The following NSD2 variants were observed in gnomAD, a reference collection of about 807,000 sequenced individuals.
The protein encoded by NSD2 is histone-lysine N-methyltransferase NSD2.
Under a neutral mutation model 139.0 loss-of-function variants are expected in NSD2, and 12 were observed. That is an observed-to-expected ratio of 0.09 (90% CI 0.06 to 0.14). The LOEUF (loss-of-function observed/expected upper bound fraction) is 0.14. Ranked by LOEUF, NSD2 falls within the 10% of genes least tolerant of loss-of-function variation. The probability of loss-of-function intolerance (pLI) is 1.00; values close to 1 mark genes in which losing one functional copy is unlikely to be tolerated. For synonymous variants in NSD2, 669 were observed against 648.7 expected, an observed-to-expected ratio of 1.03 and a Z score of -0.48; for missense variants, 1,155 against 1,745.0, an observed-to-expected ratio of 0.66 and a Z score of 6.02.
Position 1,955,511 on chromosome 4 carries a change from C to G in NSD2, c.2518+171C>G. The G allele has an allele frequency of 8.1e-7, 1 of 1,233,358 alleles. No homozygotes were observed. The allele number at this position is 1,233,358 out of a possible 1,614,324, so 76.4% of individuals were successfully genotyped here. A position where few individuals can be genotyped will look rare whatever the true frequency, so the allele number is the denominator to read the frequency against. On this transcript the variant is annotated intron_variant, in intron 13 of 21. Transcript: ENST00000508803. This position sits in a 1 kb window ranked among gnomAD's most constrained non-coding sequence, Gnocchi z 4.7. ...CTCTAAATTAATTGTAATCATTTCG[C>G]AAACATACAGGAAATTATTTGTGGT...
In NSD2 at chr4:1,948,182, G is replaced by A; in HGVS notation, c.1882-2890G>A. 2.8e-6 allele frequency: 3 copies of A among 1,063,610 alleles called. No homozygotes were observed. The highest frequency in any genetic ancestry group is 3.4e-6 in the Non-Finnish European group (3 of 877,972). The allele number at this position is 1,063,610 out of a possible 1,614,324, so 65.9% of individuals were successfully genotyped here. ...ACTTTGAAAAGTCAGGAGCTAAGCT[G>A]CTCGGAGCTCAGTGCCGCAGCATGG... is the stretch of plus-strand genomic sequence containing the variant. On this transcript the variant is annotated intron_variant, in intron 9 of 21. Transcript: ENST00000508803. This position sits in a 1 kb window ranked among gnomAD's most constrained non-coding sequence, Gnocchi z 4.5.
At chr4:1,888,895 A>G (rs1214431903) in intron 1 of NSD2, among the ~76,000 whole-genome samples, 2 of 140,946 alleles carry the variant, frequency 1.4e-5, no homozygotes, top group South Asian at 2.3e-4. Flanking sequence ...TCCCATGTAT[A>G]TTAGTATTTT....
intron 18 of NSD2, among the ~76,000 whole-genome samples, chr4:1,967,859 T>TTG (rs1409474193): frequency 6.6e-6 from 1 of 151,892 alleles, no homozygotes; most frequent in Non-Finnish European, 1.5e-5. Context: ...TGGCATCTCA[T>TTG]TGTAACCATG....
chr4:1,950,914 TTGA>T (rs1347750021), intron 9 of NSD2, among the ~76,000 whole-genome samples, 155 bp from the exon 10 acceptor site: 4 of 152,202 alleles, frequency 2.6e-5, no homozygotes, highest in South Asian at 2.1e-4. Context: ...CAAAAACCAG[TTGA>T]TGATGGTTCC....
chr4:1,878,284 T>TTG (rs1714447966), intron 1 of NSD2, among the ~76,000 whole-genome samples: 1 of 122,910 alleles, frequency 8.1e-6, no homozygotes, highest in Non-Finnish European at 1.7e-5. Flanking sequence ...TTTTTTTTTT[T>TTG]GTATTTTTAG....
chr4:1,886,971 T>C (rs959043334), intron 1 of NSD2, among the ~76,000 whole-genome samples: 2 of 152,172 alleles, frequency 1.3e-5, no homozygotes, highest in African/African-American at 4.8e-5. Flanking sequence ...GTTACCTCCC[T>C]TCTTCTTCCC....
Position 1,976,573 on chromosome 4 carries a change from C to T in NSD2, c.3720C>T (p.Asp1240=), listed in dbSNP as rs201513781. ...GGGAAGGGAAGAGGCAGTCAGAGGA[C>T]GAGTGCTTCCGCTGCGGTGATGGCG... The part of the protein sequence containing the change: ...AKGEGKRQSE[D]ECFRCGDGGQ... The change falls in exon 21 of 22, where the codon GAC becomes GAT. Residue 1240 remains aspartate (D), a synonymous_variant. Coordinates refer to ENST00000508803, the MANE Select transcript of NSD2 (RefSeq NM_001042424.3). This position sits in a 1 kb window ranked among gnomAD's most constrained non-coding sequence, Gnocchi z 5.3. 6.2e-5 allele frequency: 100 copies of T among 1,613,234 alleles called. No individual in the cohort carries two copies. The highest frequency in any genetic ancestry group is 5.8e-4 in the East Asian group (26 of 44,848).
rs924526748 is a variant in NSD2, at chr4:1,878,637, C to T, written c.-30+7095C>T. Among the ~76,000 whole-genome samples the T allele has an allele frequency of 5.1e-4, 78 of 152,190 alleles. 1 individual carries two copies. Among genetic ancestry groups the T allele is most frequent in the African/African-American group, 1.8e-3 (76 of 41,516 alleles). ...AGTGACTATTTGAATACATACACAGCCCTCAGTACTTCGTATGCCTTAGGG... is the reference window on the plus strand; with the variant it reads ...AGTGACTATTTGAATACATACACAGTCCTCAGTACTTCGTATGCCTTAGGG... On this transcript the variant is annotated intron_variant, in intron 1 of 21. Coordinates refer to ENST00000508803, the MANE Select transcript of NSD2 (RefSeq NM_001042424.3).
chr4:1,901,230 C>G lies in NSD2; in HGVS notation c.576C>G (p.Ile192Met). The G allele has an allele frequency of 6.3e-7, 1 of 1,580,314 alleles. No homozygotes were observed. Among genetic ancestry groups the G allele is most frequent in the Non-Finnish European group, 8.6e-7 (1 of 1,167,306 alleles). The change falls in exon 2 of 22, where the codon ATC (isoleucine) becomes ATG (methionine). Residue 192 changes from isoleucine (I) to methionine (M), a missense_variant. Physicochemically the swap from Ile to Met is conservative, Grantham distance 10 (BLOSUM62 1). Around this residue, in one of 8 missense-constraint regions of NSD2, gnomAD observed 246 missense variants for 262.8 expected, o/e 0.94. Transcript: ENST00000508803. ...TCGAAGCAGCTCTTGTGTCTAAGAT[C>G]TCAAGTCCTTCAGATAAAAAGGTAT... ...GLVEAALVSK[I>M]SSPSDKKIPA...
At chr4:1,947,645 C>A in intron 9 of NSD2, 1 of 1,055,794 alleles carries the variant, frequency 9.5e-7, no homozygotes, top group Non-Finnish European at 1.1e-6. Context: ...ATTTCACACT[C>A]ATTTAATCTG....
chr4:1,928,587 T>TGTGGTGGCTGTCTTGTGAGGC (rs578191582), intron 5 of NSD2, among the ~76,000 whole-genome samples: 2 of 152,184 alleles, frequency 1.3e-5, no homozygotes, highest in African/African-American at 4.8e-5. Flanking sequence ...AGAAGCCGTC[T>TGTGGTGGCTGTCTTGTGAGGC]GTGGTGGCTG....
In NSD2 at chr4:1,980,734, G is replaced by A. The variant is rs533635865; in HGVS notation, c.*1825G>A. ...ACTACACAGAGGACCCAGGGGAAACGAGCTGTGTAGCCACTGACTTGCTCG... is the reference window on the plus strand; with the variant it reads ...ACTACACAGAGGACCCAGGGGAAACAAGCTGTGTAGCCACTGACTTGCTCG... On this transcript the variant is annotated 3_prime_UTR_variant, in exon 22 of 22. Transcript: ENST00000508803. 57 of 233,240 alleles carry A rather than the reference G, an allele frequency of 2.4e-4. No individual in the cohort carries two copies. Among genetic ancestry groups the A allele is most frequent in the Middle Eastern group, 1.3e-3 (1 of 788 alleles). The allele number at this position is 233,240 out of a possible 1,614,324, so 14.4% of individuals were successfully genotyped here. A position where few individuals can be genotyped will look rare whatever the true frequency, so the allele number is the denominator to read the frequency against.
chr4:1,896,700 C>G (rs1577380573), intron 1 of NSD2, among the ~76,000 whole-genome samples: 1 of 135,932 alleles, frequency 7.4e-6, no homozygotes, highest in Non-Finnish European at 1.5e-5. Context: ...CCGAACTCTT[C>G]CATTCCTCTC....
intron 10 of NSD2, among the ~76,000 whole-genome samples, chr4:1,951,445 CACACACACACACACA>C (rs1560745540): frequency 0.069 from 6,864 of 99,556 alleles, 1,403 homozygotes; most frequent in Admixed American, 0.081. Flanking sequence ...TCATGTAATA[CACACACACACACACA>C]CACACACACA....
At chr4:1,883,147 A>T (rs1361248892) in intron 1 of NSD2, among the ~76,000 whole-genome samples, 1 of 152,142 alleles carries the variant, frequency 6.6e-6, no homozygotes, top group African/African-American at 2.4e-5. Flanking sequence ...GTCTGACAGA[A>T]CCAGATGGCT....
chr4:1,979,621 A>G lies in NSD2; in HGVS notation c.*712A>G, dbSNP rs1457929482. ...TTTCAACGTGTAGTTTACGCGGAGC[A>G]CTTTCGAGGCCTGGCCGGGTTGGGC... On this transcript the variant is annotated 3_prime_UTR_variant, in exon 22 of 22. Coordinates refer to ENST00000508803, the MANE Select transcript of NSD2 (RefSeq NM_001042424.3). The G allele has an allele frequency of 4.3e-6, 1 of 232,514 alleles. No individual in the cohort carries two copies. Among genetic ancestry groups the G allele is most frequent in the East Asian group, 6.1e-5 (1 of 16,524 alleles). 14.4% of individuals were successfully genotyped at this position (232,514 alleles called of 1,614,324 possible). A position where few individuals can be genotyped will look rare whatever the true frequency, so the allele number is the denominator to read the frequency against.
At position 1,900,762 on chromosome 4, in the gene NSD2, G is replaced by A. The variant is rs745317806; in HGVS notation, c.108G>A (p.Pro36=). The A allele has an allele frequency of 1.1e-5, 17 of 1,614,006 alleles. No individual in the cohort carries two copies. Among genetic ancestry groups the A allele is most frequent in the Admixed American group, 1.7e-5 (1 of 59,998 alleles). Residue 36 remains proline, a synonymous_variant, in exon 2 of 22, where the codon CCG becomes CCA. Transcript: ENST00000508803. ...EILGSANGKT[P]SCEVNRECSV... is the part of the protein sequence containing the mutation. ...TCGGCAGTGCCAACGGGAAGACTCC[G>A]AGCTGCGAGGTGAACCGCGAGTGTT...
chr4:1,920,857 C>A (rs552542648), intron 5 of NSD2, among the ~76,000 whole-genome samples: 24 of 151,120 alleles, frequency 1.6e-4, no homozygotes, highest in African/African-American at 5.6e-4. Context: ...AACATGAAAC[C>A]CTGTCTCTAA....
chr4:1,978,889 A>C lies in NSD2; in HGVS notation c.4078A>C (p.Arg1360=), dbSNP rs1727442254. The C allele has an allele frequency of 1.7e-5, 27 of 1,562,794 alleles. No individual in the cohort carries two copies. Among genetic ancestry groups the C allele is most frequent in the Non-Finnish European group, 2.3e-5 (26 of 1,152,098 alleles). ...GKRRRRRGWR[R]VTEGK ...GAGGCGGCGGCGGAGGGGCTGGCGG[A>C]GAGTCACAGAGGGCAAATAGCGCCA... is the stretch of plus-strand genomic sequence containing the variant. The change falls in exon 22 of 22, where the codon AGA becomes CGA. Residue 1360 remains arginine, a synonymous_variant. Coordinates refer to ENST00000508803, the MANE Select transcript of NSD2 (RefSeq NM_001042424.3).
Sources: allele counts gnomAD v4.1 joint callset (sites outside exome capture counted in the v4.1 genomes callset), GRCh38; gene constraint gnomAD v4.1.1; regional missense constraint gnomAD v4.1.1; non-coding constraint Gnocchi (gnomAD v3.1); transcripts MANE v1.5; gene names NCBI Gene and HGNC (gene_info 2026-07-23, HGNC 2026-07-21).